The following CACNA1C variants were observed in gnomAD, a reference collection of about 807,000 sequenced individuals.
CACNA1C encodes the protein calcium voltage-gated channel subunit alpha1 C.
CACNA1C carries 30 observed loss-of-function variants against 229.0 expected under a neutral mutation model. That is an observed-to-expected ratio of 0.13 (90% confidence interval 0.10 to 0.18). The LOEUF is 0.18. Ranked by LOEUF, CACNA1C falls within the 10% of genes least tolerant of loss-of-function variation. The pLI, the probability that CACNA1C is intolerant of heterozygous loss-of-function variation, is 1.00. For synonymous variants in CACNA1C, 1,114 were observed against 1,132.5 expected (o/e 0.98, Z 0.33); for missense variants, 1,658 against 2,845.0 (o/e 0.58, Z 9.49).
At chr12:2,640,040 T>G (rs2093470973) in intron 30 of CACNA1C, among the ~76,000 whole-genome samples, 1 of 152,240 alleles carries the variant, frequency 6.6e-6, no homozygotes, top group East Asian at 1.9e-4. Context: ...AAGGTGGCAC[T>G]GGCTGTGAAC....
chr12:2,126,258 C>T (rs2090011587), intron 3 of CACNA1C, among the ~76,000 whole-genome samples: 1 of 152,198 alleles, frequency 6.6e-6, no homozygotes, highest in Non-Finnish European at 1.5e-5. Flanking sequence ...ATAATGAAAG[C>T]TGAACTGGGC....
chr12:2,071,763 C>T (rs900930317), intron 1 of CACNA1C, among the ~76,000 whole-genome samples: 1 of 152,180 alleles, frequency 6.6e-6, no homozygotes, highest in Non-Finnish European at 1.5e-5. Context: ...AATGCATTTG[C>T]AATTTCAATG....
At chr12:2,213,155 C>T (rs184838968) in intron 3 of CACNA1C, among the ~76,000 whole-genome samples, 2 of 152,260 alleles carry the variant, frequency 1.3e-5, no homozygotes, top group African/African-American at 4.8e-5. Context: ...CCTGCCATTT[C>T]CCATTCTTTC....
intron 11 of CACNA1C, among the ~76,000 whole-genome samples, chr12:2,560,531 T>C (rs1411165924): frequency 6.6e-6 from 1 of 152,238 alleles, no homozygotes. Flanking sequence ...CTGTTCAGAA[T>C]AAATGTAAAC....
intron 3 of CACNA1C, among the ~76,000 whole-genome samples, chr12:2,444,467 G>T (rs2099258563): frequency 1.3e-5 from 2 of 152,088 alleles, no homozygotes; most frequent in Admixed American, 1.3e-4. Context: ...GTTTGTAGTG[G>T]CTGTTCCGTA....
At chr12:2,395,831 G>A (rs2098557980) in intron 3 of CACNA1C, among the ~76,000 whole-genome samples, 2 of 152,222 alleles carry the variant, frequency 1.3e-5, no homozygotes, top group Admixed American at 1.3e-4. Flanking sequence ...TGAGCCACAT[G>A]AGTAGTTGCT....
intron 3 of CACNA1C, among the ~76,000 whole-genome samples, chr12:2,384,453 C>T (rs2098331707): frequency 6.6e-6 from 1 of 152,174 alleles, no homozygotes; most frequent in South Asian, 2.1e-4. Flanking sequence ...CAAGAATGAG[C>T]ACAATTAGAG....
intron 2 of CACNA1C, among the ~76,000 whole-genome samples, chr12:2,118,577 T>C (rs547838863): frequency 5.3e-5 from 8 of 152,162 alleles, no homozygotes; most frequent in Non-Finnish European, 1.0e-4. Flanking sequence ...AGTTTTCTCA[T>C]TTAGAAAGTG....
intron 29 of CACNA1C, chr12:2,614,874 C>A (rs2079662144): frequency 6.6e-6 from 1 of 151,810 alleles, no homozygotes; most frequent in South Asian, 2.1e-4. Context: ...TTCTTCATTT[C>A]TGTGTGTTCT....
intron 9 of CACNA1C, among the ~76,000 whole-genome samples, chr12:2,535,534 A>T (rs1308062788): frequency 7.8e-6 from 1 of 128,272 alleles, no homozygotes; most frequent in Non-Finnish European, 1.6e-5. Context: ...CCCCATCTCT[A>T]TTAAAAAAAA....
intron 3 of CACNA1C, among the ~76,000 whole-genome samples, chr12:2,320,861 G>A (rs902883208): frequency 6.6e-6 from 1 of 152,008 alleles, no homozygotes; most frequent in Non-Finnish European, 1.5e-5. Context: ...CTGGGTGCTT[G>A]GAAACCCTCA....
intron 43 of CACNA1C, among the ~76,000 whole-genome samples, chr12:2,685,535 A>G (rs2097407093): frequency 6.6e-6 from 1 of 152,044 alleles, no homozygotes; most frequent in Non-Finnish European, 1.5e-5. Flanking sequence ...GGAGCTGGCC[A>G]TTCCCACTGA....
intron 26 of CACNA1C, 180 bp downstream of exon 26, chr12:2,607,310 C>A: frequency 1.7e-6 from 1 of 582,778 alleles, no homozygotes; most frequent in African/African-American, 1.9e-5. Context: ...CTGCTGAAAC[C>A]GACTCTTCTT....
intron 3 of CACNA1C, among the ~76,000 whole-genome samples, chr12:2,437,061 G>A (rs908219627): frequency 1.2e-4 from 18 of 152,242 alleles, no homozygotes; most frequent in African/African-American, 4.3e-4. Context: ...CTGAATCAAT[G>A]AGAAAATTTC....
intron 6 of CACNA1C, among the ~76,000 whole-genome samples, chr12:2,492,571 G>C (rs766277573): frequency 2.6e-5 from 4 of 152,256 alleles, no homozygotes; most frequent in South Asian, 2.1e-4. Context: ...CCGGCAGTCA[G>C]AGTCCGTTTT....
At chr12:2,652,312 C>T (rs2095075716) in intron 32 of CACNA1C, among the ~76,000 whole-genome samples, 1 of 152,214 alleles carries the variant, frequency 6.6e-6, no homozygotes, top group Non-Finnish European at 1.5e-5. Context: ...ACTGCCTGGC[C>T]ATGTGATCAG....
At position 2,585,473 on chromosome 12, in the gene CACNA1C, G is replaced by A. The variant is rs545511851; in HGVS notation, c.2437G>A (p.Gly813Arg). 25 of 1,570,584 alleles carry A rather than the reference G, an allele frequency of 1.6e-5. No homozygotes were observed. The highest frequency in any genetic ancestry group is 3.5e-5 in the South Asian group (3 of 85,800). Residue 813 changes from glycine (G) to arginine (R), a missense_variant, in exon 17 of 47, where the codon GGA becomes AGA. Physicochemically the swap from Gly to Arg is moderately radical, Grantham distance 125. Transcript: ENST00000399655. The surrounding 1 kb of genome is among the most constrained non-coding windows in gnomAD (Gnocchi z 4.1). ...KIELKSITAD[G>R]ESPPATKINM... ...TGAGCTGAAATCCATCACGGCTGAC[G>A]GAGAGTCTCCACCCGCCACCAAGGT...
chr12:1,998,784 C>A (rs543133507), intron 1 of CACNA1C, among the ~76,000 whole-genome samples: 1 of 152,296 alleles, frequency 6.6e-6, no homozygotes, highest in South Asian at 2.1e-4. Context: ...TAACCACGAA[C>A]CAGACCTACT....
At chr12:2,273,711 A>G (rs541745390) in intron 3 of CACNA1C, among the ~76,000 whole-genome samples, 3 of 152,324 alleles carry the variant, frequency 2.0e-5, no homozygotes, top group South Asian at 4.1e-4. Context: ...ACGATTTCCT[A>G]TGGGCTAAGA....
Sources: allele counts gnomAD v4.1 joint callset (sites outside exome capture counted in the v4.1 genomes callset), GRCh38; gene constraint gnomAD v4.1.1; non-coding constraint Gnocchi (gnomAD v3.1); transcripts MANE v1.5; gene names NCBI Gene and HGNC (gene_info 2026-07-23, HGNC 2026-07-21).